The following ETNPPL variants were observed in gnomAD, a reference collection of about 807,000 sequenced individuals.
ETNPPL encodes the protein alanine--glyoxylate aminotransferase 2-like 1.
ETNPPL carries 30 observed loss-of-function variants against 55.5 expected under a neutral mutation model. That is an observed-to-expected ratio of 0.54 (90% CI 0.40 to 0.73). The LOEUF (loss-of-function observed/expected upper bound fraction) is 0.73, where lower values mean the gene tolerates loss of function less well. ETNPPL is among the 30% of genes least tolerant of loss of function. The pLI is 0.00. For synonymous variants in ETNPPL, 202 were observed against 207.2 expected, an observed-to-expected ratio of 0.98 and a Z score of 0.21; for missense variants, 528 against 607.9, an observed-to-expected ratio of 0.87 and a Z score of 1.38.
At chr4:108,756,238 A>C (rs1729189494) in intron 4 of ETNPPL, among the ~76,000 whole-genome samples, 180 bp downstream of exon 4, 1 of 152,244 alleles carries the variant, frequency 6.6e-6, no homozygotes, top group Admixed American at 6.5e-5. Flanking sequence ...AAGGAATTAA[A>C]TATCCCTCTG....
At chr4:108,753,125 C>T in intron 5 of ETNPPL, 114 bp from the exon 6 acceptor site, 1 of 634,210 alleles carries the variant, frequency 1.6e-6, no homozygotes, top group South Asian at 2.1e-5. Context: ...ACTTAAGATA[C>T]TTTAGGTTTT....
intron 3 of ETNPPL, among the ~76,000 whole-genome samples, chr4:108,757,700 A>G (rs897115521): frequency 2.6e-5 from 4 of 152,114 alleles, no homozygotes; most frequent in Non-Finnish European, 4.4e-5. Flanking sequence ...GCACTTTGGG[A>G]GGCTGAAGCG....
At chr4:108,753,811 G>GAAAGAAAGAAAGAAAGGAA (rs1560656754) in intron 5 of ETNPPL, among the ~76,000 whole-genome samples, 4 of 128,930 alleles carry the variant, frequency 3.1e-5, no homozygotes, top group East Asian at 4.4e-4. Context: ...AAAGAAAAGA[G>GAAAGAAAGAAAGAAAGGAA]AAGAAAAGAA....
At chr4:108,753,239 A>G (rs559090295) in intron 5 of ETNPPL, among the ~76,000 whole-genome samples, 2 of 152,326 alleles carry the variant, frequency 1.3e-5, no homozygotes, top group South Asian at 4.1e-4. Flanking sequence ...ATACATCAAG[A>G]CTATATCCCT....
chr4:108,748,762 T>C (rs1214889302), intron 8 of ETNPPL, among the ~76,000 whole-genome samples: 1 of 152,148 alleles, frequency 6.6e-6, no homozygotes, highest in African/African-American at 2.4e-5. Flanking sequence ...AATTTAAGTA[T>C]GATATGAAAC....
rs747151062 is a variant in ETNPPL, at chr4:108,760,271, A to T, written c.92T>A (p.Ile31Asn). The T allele has an allele frequency of 1.2e-6, 2 of 1,611,496 alleles. No individual in the cohort carries two copies. The highest frequency in any genetic ancestry group is 1.7e-6 in the Non-Finnish European group (2 of 1,178,016). Reference protein sequence around the residue: ...SCKVFFASDPIKIVRAQRQYM... With the variant: ...SCKVFFASDPNKIVRAQRQYM... ...CTGCCTCTGGGCTCTCACTATTTTG[A>T]TGGGATCCGATGCAAAGAAAACTTT... Residue 31 changes from isoleucine to asparagine, a missense_variant, in exon 2 of 13, where the codon ATC becomes AAC. Transcript: ENST00000296486.
intron 4 of ETNPPL, 134 bp from the exon 5 acceptor site, chr4:108,754,844 G>A: frequency 1.6e-6 from 1 of 632,996 alleles, no homozygotes; most frequent in Non-Finnish European, 2.8e-6. Flanking sequence ...TGCCAGATTT[G>A]ACTATATGGG....
rs576905148 is a variant in ETNPPL at position 108,760,395 on chromosome 4, T to C, written c.57-89A>G. 20 of 622,536 alleles carry C rather than the reference T, an allele frequency of 3.2e-5. No homozygotes were observed. The South Asian group carries it at 5.2e-4, about 16-fold the overall frequency. The allele number at this position is 622,536 out of a possible 1,614,324, so 38.6% of individuals were successfully genotyped here. ...ATGAAGGTCCCCATCAGTGGAAAAG[T>C]ACAGTTACATAAAGGAAAGGGAAAA... is the stretch of plus-strand genomic sequence containing the variant. On this transcript the variant is annotated intron_variant, in intron 1 of 12. Coordinates refer to ENST00000296486, the MANE Select transcript of ETNPPL (RefSeq NM_031279.4).
Position 108,762,971 on chromosome 4 carries a change from G to T in ETNPPL, c.-73C>A. ...GCGCCTCCTACGCGAGCCTGGGACTGCCTTGGCGGCCCCGGCCGGCCTTCC... is the reference window on the plus strand; with the variant it reads ...GCGCCTCCTACGCGAGCCTGGGACTTCCTTGGCGGCCCCGGCCGGCCTTCC... On this transcript the variant is annotated 5_prime_UTR_variant, in exon 1 of 13. Transcript: ENST00000296486. The T allele has an allele frequency of 1.4e-6, 2 of 1,466,754 alleles. No individual in the cohort carries two copies. The highest frequency in any genetic ancestry group is 9.5e-7 in the Non-Finnish European group (1 of 1,052,506). The allele number at this position is 1,466,754 out of a possible 1,614,324, so 90.9% of individuals were successfully genotyped here.
intron 1 of ETNPPL, 179 bp downstream of exon 1, chr4:108,762,664 G>A (rs1448235688): frequency 5.3e-6 from 4 of 761,494 alleles, no homozygotes; most frequent in East Asian, 2.6e-5. Flanking sequence ...TTCCAGGAGC[G>A]TTTCTGGGAG....
At chr4:108,745,862 C>T (rs937827377) in intron 11 of ETNPPL, among the ~76,000 whole-genome samples, 3 of 134,938 alleles carry the variant, frequency 2.2e-5, no homozygotes, top group African/African-American at 5.8e-5. Flanking sequence ...ACCCGGGAGG[C>T]GGAGGCTGCA....
At chr4:108,746,578 A>G in intron 10 of ETNPPL, 49 bp from the exon 11 acceptor site, 4 of 1,589,090 alleles carry the variant, frequency 2.5e-6, no homozygotes, top group Non-Finnish European at 3.4e-6. Flanking sequence ...GATAACTACG[A>G]TTACTGAAGA....
intron 1 of ETNPPL, chr4:108,762,153 C>G: frequency 3.6e-6 from 1 of 275,270 alleles, no homozygotes; most frequent in Non-Finnish European, 7.4e-6. Flanking sequence ...AATATGACAT[C>G]CAACGAGAGC....
intron 3 of ETNPPL, among the ~76,000 whole-genome samples, chr4:108,757,769 T>C (rs1328851054): frequency 6.6e-6 from 1 of 151,758 alleles, no homozygotes; most frequent in East Asian, 1.9e-4. Context: ...TGAAACCCCA[T>C]CTCCACAAAA....
At chr4:108,755,748 G>A (rs1350782636) in intron 4 of ETNPPL, among the ~76,000 whole-genome samples, 10 of 152,232 alleles carry the variant, frequency 6.6e-5, no homozygotes, top group African/African-American at 9.6e-5. Flanking sequence ...TTGAACCCAG[G>A]AGGCGGAGGT....
chr4:108,762,863 C>G lies in ETNPPL; in HGVS notation c.36G>C (p.Gly12=), dbSNP rs1484059849. ...CELYSKRDTL[G]LRKKHIGPSC... ...CTTACCCGATGTGCTTCTTCCTCAG[C>G]CCCAGAGTGTCCCGCTTACTGTACA... The change falls in exon 1 of 13, where the codon GGG becomes GGC. Residue 12 remains glycine, a synonymous_variant. Transcript: ENST00000296486. The G allele has an allele frequency of 1.9e-6, 3 of 1,614,006 alleles. No individual in the cohort carries two copies. The highest frequency in any genetic ancestry group is 2.5e-6 in the Non-Finnish European group (3 of 1,179,952).
intron 9 of ETNPPL, 22 bp downstream of exon 9, chr4:108,747,983 G>A: frequency 1.3e-6 from 2 of 1,588,726 alleles, no homozygotes; most frequent in Admixed American, 1.8e-5. Flanking sequence ...GTAACTACAT[G>A]ACAACTTCAT....
chr4:108,760,047 C>T (rs985680601), intron 2 of ETNPPL, 139 bp from the exon 3 acceptor site: 3 of 1,109,320 alleles, frequency 2.7e-6, no homozygotes, highest in African/African-American at 1.6e-5. Flanking sequence ...TATTTTGCTG[C>T]GATTTTCCCC....
intron 3 of ETNPPL, 64 bp from the exon 4 acceptor site, chr4:108,756,556 G>A (rs1729209846): frequency 3.2e-6 from 4 of 1,246,240 alleles, no homozygotes; most frequent in Admixed American, 1.7e-5. Flanking sequence ...TTTAGGATGT[G>A]CCAGGCACGG....
Sources: allele counts gnomAD v4.1 joint callset (sites outside exome capture counted in the v4.1 genomes callset), GRCh38; gene constraint gnomAD v4.1.1; transcripts MANE v1.5; gene names NCBI Gene and HGNC (gene_info 2026-07-23, HGNC 2026-07-21).